KCND2: variants seen among roughly 807,000 people sequenced by gnomAD.
KCND2 encodes potassium voltage-gated channel subfamily D member 2, also known as A-type voltage-gated potassium channel KCND2.
A neutral mutation model predicts 54.4 loss-of-function variants in KCND2; 16 were observed. The observed-to-expected ratio is 0.29, with a 90% CI of 0.20 to 0.45. The LOEUF is 0.45. KCND2 is among the 20% of genes least tolerant of loss of function. KCND2 has a pLI of 1.00. For synonymous variants in KCND2, 317 were observed against 310.7 expected, an observed-to-expected ratio of 1.02 and a Z score of -0.21; for missense variants, 486 against 824.2, an observed-to-expected ratio of 0.59 and a Z score of 5.02.
At chr7:120,501,203 A>G (rs1253914169) in intron 1 of KCND2, among the ~76,000 whole-genome samples, 1 of 152,154 alleles carries the variant, frequency 6.6e-6, no homozygotes, top group Non-Finnish European at 1.5e-5. Context: ...TGACCTTGCC[A>G]AGGACCAAGA....
chr7:120,282,780 A>G (rs965423142), intron 1 of KCND2, among the ~76,000 whole-genome samples: 1 of 152,084 alleles, frequency 6.6e-6, no homozygotes, highest in African/African-American at 2.4e-5. Flanking sequence ...AACCCAAAAT[A>G]ACACCAGTAA....
intron 1 of KCND2, among the ~76,000 whole-genome samples, chr7:120,599,204 A>G (rs1249971374): frequency 2.0e-5 from 3 of 152,070 alleles, no homozygotes; most frequent in African/African-American, 7.2e-5. Flanking sequence ...TGCCAGCACT[A>G]CTGTGTCTTG....
At chr7:120,659,686 T>C (rs1791842842) in intron 1 of KCND2, among the ~76,000 whole-genome samples, 1 of 152,194 alleles carries the variant, frequency 6.6e-6, no homozygotes, top group Non-Finnish European at 1.5e-5. Context: ...AACATAAAAC[T>C]GTAGCCATCC....
chr7:120,672,692 G>A (rs4730974), intron 1 of KCND2, among the ~76,000 whole-genome samples: 28,938 of 151,968 alleles, frequency 0.19, 3,789 homozygotes, highest in African/African-American at 0.36. Context: ...TCTGTGATAG[G>A]CTGACTTGTG....
At chr7:120,620,082 A>T (rs1793079258) in intron 1 of KCND2, among the ~76,000 whole-genome samples, 1 of 152,236 alleles carries the variant, frequency 6.6e-6, no homozygotes, top group South Asian at 2.1e-4. Context: ...ACCTCAAATG[A>T]TGAGATGCTT....
rs1435130765 is a variant in KCND2 at position 120,273,587 on chromosome 7, A to C, written c.-1046A>C. 3 of 152,866 alleles carry C rather than the reference A, an allele frequency of 2.0e-5. No individual in the cohort carries two copies. Among genetic ancestry groups the C allele is most frequent in the African/African-American group, 4.8e-5 (2 of 41,438 alleles). The allele number at this position is 152,866 out of a possible 1,614,324, so 9.5% of individuals were successfully genotyped here. A position where few individuals can be genotyped will look rare whatever the true frequency, so the allele number is the denominator to read the frequency against. On this transcript the variant is annotated 5_prime_UTR_variant, in exon 1 of 6. Transcript: ENST00000331113. Reference sequence around the variant, plus strand: ...GCCTGGCTTTTGGAAGGTGAAAAGGAGGAGGGAGGCACGGAGGGATGGGGG... The same window carrying C: ...GCCTGGCTTTTGGAAGGTGAAAAGGCGGAGGGAGGCACGGAGGGATGGGGG...
chr7:120,614,284 A>T (rs113910690), intron 1 of KCND2, among the ~76,000 whole-genome samples: 9 of 152,320 alleles, frequency 5.9e-5, no homozygotes, highest in African/African-American at 1.9e-4. Flanking sequence ...AAGTGCTGGG[A>T]TTACAGGTAT....
At chr7:120,736,078 A>G (rs1174727319) in intron 2 of KCND2, among the ~76,000 whole-genome samples, 2 of 152,116 alleles carry the variant, frequency 1.3e-5, no homozygotes, top group Admixed American at 1.3e-4. Context: ...ACGTCAGTCC[A>G]ACTGACTAAT....
intron 1 of KCND2, among the ~76,000 whole-genome samples, chr7:120,487,158 T>G (rs557212883): frequency 3.3e-5 from 5 of 152,140 alleles, no homozygotes; most frequent in Admixed American, 1.3e-4. Context: ...AAATTAAATT[T>G]CAACAGGTTT....
At chr7:120,399,372 A>G (rs1293624786) in intron 1 of KCND2, among the ~76,000 whole-genome samples, 1 of 151,812 alleles carries the variant, frequency 6.6e-6, no homozygotes, top group Non-Finnish European at 1.5e-5. Flanking sequence ...AAAAACATAG[A>G]GAAAAAAACA....
intron 1 of KCND2, among the ~76,000 whole-genome samples, chr7:120,357,721 G>A (rs1800526469): frequency 6.6e-6 from 1 of 152,054 alleles, no homozygotes; most frequent in Admixed American, 6.6e-5. Flanking sequence ...TCTGGAGGCT[G>A]GAAGTCCAAG....
chr7:120,556,571 T>A (rs1792169138), intron 1 of KCND2, among the ~76,000 whole-genome samples: 1 of 152,210 alleles, frequency 6.6e-6, no homozygotes, highest in African/African-American at 2.4e-5. Flanking sequence ...TTTCAAAGTA[T>A]TTTTCTGGCA....
intron 1 of KCND2, among the ~76,000 whole-genome samples, chr7:120,457,949 A>G (rs1802223716): frequency 6.6e-6 from 1 of 152,178 alleles, no homozygotes; most frequent in African/African-American, 2.4e-5. Context: ...AGGCCTCTGG[A>G]AACTTACAAT....
chr7:120,654,139 C>T (rs1791772662), intron 1 of KCND2, among the ~76,000 whole-genome samples: 1 of 152,204 alleles, frequency 6.6e-6, no homozygotes, highest in East Asian at 1.9e-4. Context: ...GCTGAAATCT[C>T]ACGTGGTTCT....
rs1417408491 is a variant in KCND2, at chr7:120,274,216, G to GT, written c.-416dup. ...TAATTCGTCGAAAGAATTCTATTGG[G>GT]TGACTCTCGTTCGTCTTCTCTATCC... is the stretch of plus-strand genomic sequence containing the variant. On this transcript the variant is annotated 5_prime_UTR_variant, in exon 1 of 6. Transcript: ENST00000331113. 5 of 212,898 alleles carry GT rather than the reference G, an allele frequency of 2.3e-5. No individual in the cohort carries two copies. Among genetic ancestry groups the GT allele is most frequent in the Non-Finnish European group, 3.8e-5 (4 of 105,394 alleles). 13.2% of individuals were successfully genotyped at this position (212,898 alleles called of 1,614,324 possible). A position where few individuals can be genotyped will look rare whatever the true frequency, so the allele number is the denominator to read the frequency against.
intron 1 of KCND2, among the ~76,000 whole-genome samples, chr7:120,345,782 T>C (rs1024291101): frequency 6.6e-6 from 1 of 152,240 alleles, no homozygotes; most frequent in Non-Finnish European, 1.5e-5. Context: ...ATTTTGGTGA[T>C]GGTGAATAAT....
intron 1 of KCND2, among the ~76,000 whole-genome samples, chr7:120,277,356 G>T (rs1247193438): frequency 6.6e-6 from 1 of 152,004 alleles, no homozygotes; most frequent in Non-Finnish European, 1.5e-5. Flanking sequence ...TATCAAAGAG[G>T]TTTGTTTTTG....
In KCND2 at chr7:120,439,884, T is replaced by A. The variant is rs552558630; in HGVS notation, c.1115+164137T>A. ...GTGTTCCATTTTGTATATCTACACT[T>A]TATCCCTTCATCTGTTGATGGACAT... is the stretch of plus-strand genomic sequence containing the variant. On this transcript the variant is annotated intron_variant, in intron 1 of 5. Transcript: ENST00000331113. Among the ~76,000 whole-genome samples, 3 of 152,218 alleles carry A rather than the reference T, an allele frequency of 2.0e-5. No homozygotes were observed. The East Asian group carries it at 5.8e-4, about 29-fold the overall frequency.
chr7:120,390,982 T>C (rs1380455304), intron 1 of KCND2, among the ~76,000 whole-genome samples: 1 of 152,024 alleles, frequency 6.6e-6, no homozygotes, highest in Non-Finnish European at 1.5e-5. Flanking sequence ...ATATGTGCCA[T>C]GGTGGTTTGC....
Sources: gnomAD v4.1 joint callset for allele counts (sites outside exome capture counted in the v4.1 genomes callset) on GRCh38, gnomAD v4.1.1 for gene constraint, MANE v1.5 for transcripts, NCBI Gene and HGNC (gene_info 2026-07-23, HGNC 2026-07-21) for gene names.